Variants in METAP1D observed in about 807,000 individuals in gnomAD.
METAP1D encodes the protein methionyl aminopeptidase type 1D, mitochondrial, also known as methionine aminopeptidase 1D, mitochondrial.
A neutral mutation model predicts 40.5 loss-of-function variants in METAP1D; 31 were observed. The observed-to-expected ratio is 0.77, with a 90% confidence interval of 0.58 to 1.03. The LOEUF is 1.03. METAP1D is among the 50% of genes least tolerant of loss of function. METAP1D has a pLI of 0.00. For missense variants in METAP1D, 411 were observed against 420.7 expected, an observed-to-expected ratio of 0.98 and a Z score of 0.20; for synonymous variants, 151 against 146.4, an observed-to-expected ratio of 1.03 and a Z score of -0.22.
intron 1 of METAP1D, among the ~76,000 whole-genome samples, chr2:172,027,863 T>C (rs1396422100): frequency 6.6e-6 from 1 of 152,178 alleles, no homozygotes; most frequent in Admixed American, 6.5e-5. Context: ...GTCTAAACTA[T>C]AAAAGTTAAA....
At chr2:172,065,160 G>A (rs1401353123) in intron 3 of METAP1D, among the ~76,000 whole-genome samples, 1 of 152,154 alleles carries the variant, frequency 6.6e-6, no homozygotes, top group East Asian at 1.9e-4. Flanking sequence ...GTTTTACTGA[G>A]ATAAAAAGAT....
chr2:172,059,775 G>A (rs1362560024), intron 1 of METAP1D, among the ~76,000 whole-genome samples: 2 of 152,220 alleles, frequency 1.3e-5, no homozygotes, highest in Non-Finnish European at 2.9e-5. Context: ...GTTCTGGCCA[G>A]GCGCGGTGGC....
intron 1 of METAP1D, among the ~76,000 whole-genome samples, chr2:172,034,552 A>G (rs2105420612): frequency 6.6e-6 from 1 of 152,298 alleles, no homozygotes; most frequent in Admixed American, 6.5e-5. Context: ...GTAAATTGCC[A>G]CAAATATATC....
At chr2:172,057,858 T>C (rs1443024318) in intron 1 of METAP1D, among the ~76,000 whole-genome samples, 1 of 152,178 alleles carries the variant, frequency 6.6e-6, no homozygotes, top group Non-Finnish European at 1.5e-5. Flanking sequence ...GTACAGTAAT[T>C]GAGGCATAAT....
chr2:172,022,311 T>G, intron 1 of METAP1D, among the ~76,000 whole-genome samples: 1 of 152,200 alleles, frequency 6.6e-6, no homozygotes, highest in African/African-American at 2.4e-5. Flanking sequence ...GCATCTCTGC[T>G]TGCCCAGAGG....
Position 172,061,485 on chromosome 2 carries a change from T to C in METAP1D, c.41-13T>C. 1 of 1,605,732 alleles carries C rather than the reference T, an allele frequency of 6.2e-7. No homozygotes were observed. The highest frequency in any genetic ancestry group is 1.3e-5 in the African/African-American group (1 of 74,500). Reference sequence around the variant, plus strand: ...TGTTTTTTTACTTAAAATATGTCTGTTTCTGCTCACAGGTTCTCATAGAAT... The same window carrying C: ...TGTTTTTTTACTTAAAATATGTCTGCTTCTGCTCACAGGTTCTCATAGAAT... On this transcript the variant is annotated splice_polypyrimidine_tract_variant and intron_variant, in intron 1 of 9. Coordinates refer to ENST00000315796, the MANE Select transcript of METAP1D (RefSeq NM_199227.3).
intron 1 of METAP1D, among the ~76,000 whole-genome samples, chr2:172,045,530 G>C (rs1327457468): frequency 6.7e-6 from 1 of 148,536 alleles, no homozygotes; most frequent in Non-Finnish European, 1.5e-5. Flanking sequence ...GCGTGGTGGC[G>C]CACGCCTCTA....
At chr2:172,054,436 T>G (rs564821914) in intron 1 of METAP1D, among the ~76,000 whole-genome samples, 56 of 152,166 alleles carry the variant, frequency 3.7e-4, no homozygotes, top group African/African-American at 1.3e-3. Context: ...GGAAAATGAC[T>G]TGAACCCGGG....
At chr2:172,076,987 A>G (rs1690562179) in intron 6 of METAP1D, among the ~76,000 whole-genome samples, 1 of 152,192 alleles carries the variant, frequency 6.6e-6, no homozygotes, top group African/African-American at 2.4e-5. Flanking sequence ...AAGATTTTAG[A>G]ATTGGAGTCT....
chr2:172,067,084 C>T (rs930731453), intron 5 of METAP1D, among the ~76,000 whole-genome samples: 4 of 152,128 alleles, frequency 2.6e-5, no homozygotes, highest in Non-Finnish European at 4.4e-5. Context: ...TGTGCTTTTA[C>T]ATTTCTGTTT....
Position 172,079,235 on chromosome 2 carries a change from A to C in METAP1D, c.823A>C (p.Met275Leu), listed in dbSNP as rs1040212957. 6.2e-7 allele frequency: 1 copy of C among 1,613,556 alleles called. No homozygotes were observed. The highest frequency in any genetic ancestry group is 8.5e-7 in the Non-Finnish European group (1 of 1,179,950). ...WHHANDSDLP[M>L]EEGMAFTIEP... is the part of the protein sequence containing the mutation. ...TGCAGCAAACGACAGTGATCTACCC[A>C]TGGAGGAGGGCATGGCATTCACTAT... Residue 275 changes from methionine (M) to leucine (L), a missense_variant, in exon 8 of 10, where the codon ATG becomes CTG. Transcript: ENST00000315796.
Position 172,063,440 on chromosome 2 carries a change from GT to G in METAP1D, c.199-267del, listed in dbSNP as rs5836368. On this transcript the variant is annotated intron_variant, in intron 2 of 9. Coordinates refer to ENST00000315796, the MANE Select transcript of METAP1D (RefSeq NM_199227.3). ...GAGGAAAAAGAGAAAACTACTGTTT[GT>G]TTTGACCAGAAGTCTACTTCAGTCC... 1.7e-3 allele frequency among the ~76,000 whole-genome samples: 260 copies of G among 152,266 alleles called. 1 individual carries two copies. Among genetic ancestry groups the G allele is most frequent in the African/African-American group, 6.0e-3 (248 of 41,538 alleles).
intron 1 of METAP1D, among the ~76,000 whole-genome samples, chr2:172,017,067 G>A (rs1245889405): frequency 6.6e-6 from 1 of 151,890 alleles, no homozygotes; most frequent in African/African-American, 2.4e-5. Context: ...TTAAAATCAC[G>A]TTCATTTGTG....
chr2:172,016,112 A>C (rs1213755420), intron 1 of METAP1D, among the ~76,000 whole-genome samples: 1 of 146,992 alleles, frequency 6.8e-6, no homozygotes, highest in Non-Finnish European at 1.5e-5. Flanking sequence ...AAAAAACAAA[A>C]AAAGAAAAAA....
intron 1 of METAP1D, among the ~76,000 whole-genome samples, chr2:172,012,331 G>A (rs1688749294): frequency 6.6e-6 from 1 of 152,154 alleles, no homozygotes; most frequent in South Asian, 2.1e-4. Context: ...TCGCCCGAGC[G>A]CAGGGGCACT....
chr2:172,068,634 C>T (rs1368078230), intron 5 of METAP1D, among the ~76,000 whole-genome samples: 1 of 151,802 alleles, frequency 6.6e-6, no homozygotes, highest in East Asian at 2.0e-4. Flanking sequence ...CTGCCTCAGC[C>T]TCCCCAGTAA....
At chr2:172,072,188 C>G (rs534769462) in intron 6 of METAP1D, among the ~76,000 whole-genome samples, 3 of 152,284 alleles carry the variant, frequency 2.0e-5, no homozygotes, top group East Asian at 1.9e-4. Context: ...TAATGCATAT[C>G]TCACTATCTT....
At chr2:172,066,243 T>A in intron 4 of METAP1D, 21 bp from the exon 5 acceptor site, 1 of 1,605,606 alleles carries the variant, frequency 6.2e-7, no homozygotes, top group Non-Finnish European at 8.5e-7. Context: ...ATCACCATTT[T>A]TTTTTCTGTT....
intron 1 of METAP1D, among the ~76,000 whole-genome samples, chr2:172,032,845 G>A (rs907298803): frequency 6.6e-6 from 1 of 152,108 alleles, no homozygotes; most frequent in South Asian, 2.1e-4. Flanking sequence ...GGTGGATCAC[G>A]AGGTCAGGCG....
Sources: allele counts gnomAD v4.1 joint callset (sites outside exome capture counted in the v4.1 genomes callset), GRCh38; gene constraint gnomAD v4.1.1; transcripts MANE v1.5; gene names NCBI Gene and HGNC (gene_info 2026-07-23, HGNC 2026-07-21).